Variants in DAPK2 observed in about 807,000 individuals in gnomAD.
The protein encoded by DAPK2 is death associated protein kinase 2.
Under a neutral mutation model 44.1 loss-of-function variants are expected in DAPK2, and 35 were observed. The observed-to-expected ratio is 0.79, with a 90% CI of 0.61 to 1.05. The LOEUF (loss-of-function observed/expected upper bound fraction) is 1.05, where lower values mean the gene tolerates loss of function less well. Ranked by LOEUF, DAPK2 falls within the 50% of genes least tolerant of loss-of-function variation. The pLI, the probability that DAPK2 is intolerant of heterozygous loss-of-function variation, is 0.00. For synonymous variants in DAPK2, 174 were observed against 182.6 expected (o/e 0.95, Z 0.38); for missense variants, 453 against 483.2 (o/e 0.94, Z 0.59).
chr15:64,005,991 C>T lies in DAPK2; in HGVS notation c.93-22237G>A, dbSNP rs144066414. On this transcript the variant is annotated intron_variant, in intron 1 of 10. Coordinates refer to ENST00000261891, the Ensembl canonical transcript of DAPK2. ...TAAGGCTGCTGCAGTGACCTATGAT[C>T]GGATTATTGCAATCCAGCCTGGGTG... 1.3e-3 allele frequency among the ~76,000 whole-genome samples: 191 copies of T among 145,888 alleles called. 1 individual carries two copies. Among genetic ancestry groups the T allele is most frequent in the Middle Eastern group, 3.5e-3 (1 of 284 alleles).
At chr15:63,993,329 T>C (rs569013171) in intron 1 of DAPK2, among the ~76,000 whole-genome samples, 99 of 152,312 alleles carry the variant, frequency 6.5e-4, no homozygotes, top group African/African-American at 2.3e-3. Context: ...GACTTGGAGA[T>C]AGAAAGGTCT....
At chr15:63,996,874 C>G (rs998670577) in intron 1 of DAPK2, among the ~76,000 whole-genome samples, 1 of 152,232 alleles carries the variant, frequency 6.6e-6, no homozygotes, top group African/African-American at 2.4e-5. Context: ...ATGGTGCCAC[C>G]CCCATCCCCC....
chr15:64,007,508 A>G (rs2079266812), intron 1 of DAPK2, among the ~76,000 whole-genome samples: 1 of 152,148 alleles, frequency 6.6e-6, no homozygotes, highest in African/African-American at 2.4e-5. Context: ...CCAGCCTCAG[A>G]GAAAGTCAAT....
At chr15:63,909,223 A>C (rs2078720746) in intron 10 of DAPK2, 1 of 152,222 alleles carries the variant, frequency 6.6e-6, no homozygotes, top group Non-Finnish European at 1.5e-5. Context: ...ATCTAATGTA[A>C]TTATAAAATT....
chr15:63,933,872 G>A (rs923341067), intron 4 of DAPK2, among the ~76,000 whole-genome samples: 1 of 152,126 alleles, frequency 6.6e-6, no homozygotes, highest in African/African-American at 2.4e-5. Flanking sequence ...TGGGATTACA[G>A]GCTTGAGCCA....
At chr15:64,022,652 C>CA (rs1411631498) in intron 1 of DAPK2, among the ~76,000 whole-genome samples, 3 of 152,070 alleles carry the variant, frequency 2.0e-5, no homozygotes, top group Admixed American at 6.5e-5. Context: ...GCCGTCTCTA[C>CA]AAAAAAATAA....
rs1271824721 is a variant in DAPK2 at position 63,980,316 on chromosome 15, C to G, written c.314+3217G>C. On this transcript the variant is annotated intron_variant, in intron 2 of 10. Transcript: ENST00000261891. This position sits in a 1 kb window ranked among gnomAD's most constrained non-coding sequence, Gnocchi z 4.3. ...CCACCGACTCCTAGGGTTCTACAAA[C>G]AGGAAGAAGCAGGCAATTTCCCCAG... is the stretch of plus-strand genomic sequence containing the variant. Among the ~76,000 whole-genome samples the G allele has an allele frequency of 2.6e-5, 4 of 152,176 alleles. No individual in the cohort carries two copies. Among genetic ancestry groups the G allele is most frequent in the Non-Finnish European group, 5.9e-5 (4 of 68,036 alleles).
intron 6 of DAPK2, among the ~76,000 whole-genome samples, chr15:63,927,861 C>T (rs1361970986): frequency 2.0e-5 from 3 of 152,112 alleles, no homozygotes; most frequent in Non-Finnish European, 4.4e-5. Flanking sequence ...CCTCCTGCCT[C>T]AGCCTCCCAA....
intron 4 of DAPK2, among the ~76,000 whole-genome samples, chr15:63,937,114 A>G (rs1052140380): frequency 6.6e-6 from 1 of 152,082 alleles, no homozygotes; most frequent in African/African-American, 2.4e-5. Context: ...GAATGGTGGG[A>G]GCAGGGGAAA....
intron 3 of DAPK2, among the ~76,000 whole-genome samples, chr15:63,945,345 C>G (rs1567223796): frequency 6.6e-6 from 1 of 152,198 alleles, no homozygotes; most frequent in Admixed American, 6.5e-5. Flanking sequence ...TTCCTGGTAT[C>G]CCCTGTGGCG....
rs1399663171 is a variant in DAPK2, at chr15:63,912,761, C to T, written c.859-564G>A. Reference sequence around the variant, plus strand: ...ATGGCTTCTCTGAGCCTCAGTTTCCCCATCTGTAATATGGGGATAATAATA... The same window carrying T: ...ATGGCTTCTCTGAGCCTCAGTTTCCTCATCTGTAATATGGGGATAATAATA... On this transcript the variant is annotated intron_variant, in intron 8 of 10. Transcript: ENST00000261891. The surrounding 1 kb of genome is among the most constrained non-coding windows in gnomAD (Gnocchi z 4.4). Among the ~76,000 whole-genome samples, 1 of 152,106 alleles carries T rather than the reference C, an allele frequency of 6.6e-6. No individual in the cohort carries two copies. The highest frequency in any genetic ancestry group is 2.4e-5 in the African/African-American group (1 of 41,410).
In DAPK2 at chr15:63,939,447, T is replaced by C; in HGVS notation, c.454-86A>G. On this transcript the variant is annotated intron_variant, in intron 3 of 10. Transcript: ENST00000261891. This position sits in a 1 kb window ranked among gnomAD's most constrained non-coding sequence, Gnocchi z 4.3. ...ATTAAAGGCTGGTTGGTTCGTGTTTTGGCTTTGGGGTTTGGGGTGGGACTT... is the reference window on the plus strand; with the variant it reads ...ATTAAAGGCTGGTTGGTTCGTGTTTCGGCTTTGGGGTTTGGGGTGGGACTT... 5 of 1,409,658 alleles carry C rather than the reference T, an allele frequency of 3.5e-6. No homozygotes were observed. The allele number at this position is 1,409,658 out of a possible 1,614,324, so 87.3% of individuals were successfully genotyped here. A position where few individuals can be genotyped will look rare whatever the true frequency, so the allele number is the denominator to read the frequency against.
At chr15:63,969,741 T>TAA (rs11331070) in intron 3 of DAPK2, among the ~76,000 whole-genome samples, 7 of 143,952 alleles carry the variant, frequency 4.9e-5, no homozygotes, top group Admixed American at 6.9e-5. Context: ...CTATCTCTAT[T>TAA]AAAAAAAAAA....
intron 4 of DAPK2, among the ~76,000 whole-genome samples, chr15:63,938,379 C>T (rs968660352): frequency 2.0e-5 from 3 of 152,230 alleles, no homozygotes; most frequent in Non-Finnish European, 4.4e-5. Flanking sequence ...GCCTGGCACA[C>T]AGCAAGGGCT....
chr15:63,936,078 A>G (rs2077138351), intron 4 of DAPK2: 1 of 152,122 alleles, frequency 6.6e-6, no homozygotes, highest in African/African-American at 2.4e-5. Flanking sequence ...ATATTCCACT[A>G]GTGTATATAT....
chr15:63,967,414 G>A (rs1339759843), intron 3 of DAPK2, among the ~76,000 whole-genome samples: 1 of 151,962 alleles, frequency 6.6e-6, no homozygotes, highest in South Asian at 2.1e-4. Flanking sequence ...GACTGGGTAT[G>A]GTGGCTCATG....
At chr15:63,943,800 C>T (rs1256210513) in intron 3 of DAPK2, among the ~76,000 whole-genome samples, 4 of 152,100 alleles carry the variant, frequency 2.6e-5, no homozygotes, top group Non-Finnish European at 4.4e-5. Flanking sequence ...TGCTTGAACC[C>T]GGGAAGCAGA....
chr15:63,992,198 A>G (rs2078839131), intron 1 of DAPK2, among the ~76,000 whole-genome samples: 1 of 152,218 alleles, frequency 6.6e-6, no homozygotes, highest in African/African-American at 2.4e-5. Context: ...AGGCTCAATT[A>G]AAGTTTGACT....
rs573876020 is a variant in DAPK2, at chr15:63,952,054, A to G, written c.454-12693T>C. ...CAGGAGTTCGAGACCAGCCTGGCCA[A>G]CATGGTGAAAACCCATCTCTACTAA... On this transcript the variant is annotated intron_variant, in intron 3 of 10. Coordinates refer to ENST00000261891, the Ensembl canonical transcript of DAPK2. Among the ~76,000 whole-genome samples, 302 of 152,284 alleles carry G rather than the reference A, an allele frequency of 2.0e-3. 1 individual carries two copies. Among genetic ancestry groups the G allele is most frequent in the African/African-American group, 6.6e-3 (276 of 41,560 alleles).
Sources: allele counts gnomAD v4.1 joint callset (sites outside exome capture counted in the v4.1 genomes callset), GRCh38; gene constraint gnomAD v4.1.1; non-coding constraint Gnocchi (gnomAD v3.1); transcripts MANE v1.5; gene names NCBI Gene and HGNC (gene_info 2026-07-23, HGNC 2026-07-21).